The following MTOR variants were observed in gnomAD, a reference collection of about 807,000 sequenced individuals.
MTOR encodes the protein serine/threonine-protein kinase mTOR.
Under a neutral mutation model 319.8 loss-of-function variants are expected in MTOR, and 70 were observed. That is an observed-to-expected ratio of 0.22 (90% CI 0.18 to 0.27). MTOR has a LOEUF of 0.27. Among genes scored for constraint, MTOR ranks in the 10% least tolerant of loss-of-function variants. MTOR has a pLI of 1.00. For synonymous variants in MTOR, 1,183 were observed against 1,211.4 expected (o/e 0.98, Z 0.49); for missense variants, 1,890 against 3,274.4 (o/e 0.58, Z 10.32).
intron 9 of MTOR, 71 bp downstream of exon 9, chr1:11,243,043 G>A (rs1010616446): frequency 1.4e-5 from 22 of 1,560,054 alleles, no homozygotes; most frequent in Non-Finnish European, 1.8e-5. Flanking sequence ...AAGCTCCGTG[G>A]ATCTGAAATA....
At position 11,199,893 on chromosome 1, in the gene MTOR, T is replaced by G. The variant is rs112400979; in HGVS notation, c.3945-190A>C. 0.031 allele frequency among the ~76,000 whole-genome samples: 4,794 copies of G among 152,332 alleles called. 195 individuals carry two copies. Among genetic ancestry groups the G allele is most frequent in the African/African-American group, 0.074 (3,059 of 41,562 alleles). On this transcript the variant is annotated intron_variant, in intron 26 of 57. Transcript: ENST00000361445. The surrounding 1 kb of genome is among the most constrained non-coding windows in gnomAD (Gnocchi z 4.5). ...CCAGTGATCACTAAAGCACTTGAAC[T>G]GTGGCAAGTGTGGCCAAGGAACTGA...
At chr1:11,223,170 T>A (rs1360004713) in intron 19 of MTOR, among the ~76,000 whole-genome samples, 19 of 136,948 alleles carry the variant, frequency 1.4e-4, no homozygotes, top group Admixed American at 7.3e-5. Flanking sequence ...AATACATGAC[T>A]TTTTTTTTTT....
In MTOR at chr1:11,248,048, T is replaced by G. The variant is rs1194583768; in HGVS notation, c.887A>C (p.His296Pro). The change falls in exon 7 of 58, where the codon CAC becomes CCC. Residue 296 changes from histidine (H) to proline (P), a missense_variant. This residue lies in a region of MTOR where 418 missense variants were observed against 543.1 expected (regional missense o/e 0.77). Coordinates refer to ENST00000361445, the MANE Select transcript of MTOR (RefSeq NM_004958.4). ...CATGAGATCTTTGCAGTACTTGTCGTGTACCAGCTGCTGCTGTGTGATTTC... is the reference window on the plus strand; with the variant it reads ...CATGAGATCTTTGCAGTACTTGTCGGGTACCAGCTGCTGCTGTGTGATTTC... ...MEEITQQQLVHDKYCKDLMGF... is the reference protein window; with the variant it reads ...MEEITQQQLVPDKYCKDLMGF... 3 of 1,613,350 alleles carry G rather than the reference T, an allele frequency of 1.9e-6. No individual in the cohort carries two copies. The African/African-American group carries it at 4.0e-5, about 22-fold the overall frequency.
At chr1:11,148,765 T>C (rs1023303083) in intron 31 of MTOR, among the ~76,000 whole-genome samples, 1 of 151,932 alleles carries the variant, frequency 6.6e-6, no homozygotes, top group Non-Finnish European at 1.5e-5. Flanking sequence ...CCGGGCGTGG[T>C]GGCAGTGCCT....
rs114490853 is a variant in MTOR at position 11,198,755 on chromosome 1, T to C, written c.4253+503A>G. ...AACTGTCTTAACAGAGGAGCGAACA[T>C]AACCACATCAGAGAAAAGACCATTA... On this transcript the variant is annotated intron_variant, in intron 28 of 57. Transcript: ENST00000361445. Among the ~76,000 whole-genome samples the C allele has an allele frequency of 4.7e-3, 720 of 152,276 alleles. 4 individuals carry two copies. Among genetic ancestry groups the C allele is most frequent in the African/African-American group, 0.016 (651 of 41,562 alleles).
At chr1:11,108,595 C>T (rs756651676) in intron 56 of MTOR, among the ~76,000 whole-genome samples, 7 of 151,518 alleles carry the variant, frequency 4.6e-5, no homozygotes, top group Non-Finnish European at 7.4e-5. Context: ...TGCCTGTAGT[C>T]CCAGCTACTT....
At chr1:11,157,659 C>T (rs1644358772) in intron 29 of MTOR, among the ~76,000 whole-genome samples, 1 of 152,122 alleles carries the variant, frequency 6.6e-6, no homozygotes, top group Non-Finnish European at 1.5e-5. Context: ...ACCAGAGCAC[C>T]AGAGCTGTTT....
At chr1:11,234,066 C>CAAAGATGGG in intron 14 of MTOR, 77 bp downstream of exon 14, 1 of 1,603,390 alleles carries the variant, frequency 6.2e-7, no homozygotes, top group South Asian at 1.1e-5. Context: ...TACTAGTGAA[C>CAAAGATGGG]ACTGAAACAC....
intron 28 of MTOR, among the ~76,000 whole-genome samples, chr1:11,174,005 A>G (rs747352478): frequency 3.3e-5 from 5 of 152,184 alleles, no homozygotes; most frequent in Non-Finnish European, 5.9e-5. Context: ...TATTATTTCG[A>G]CCCTGTGAAA....
At chr1:11,140,029 T>C (rs891473092) in intron 34 of MTOR, among the ~76,000 whole-genome samples, 1 of 152,120 alleles carries the variant, frequency 6.6e-6, no homozygotes, top group Admixed American at 6.6e-5. Context: ...TTCACCATGA[T>C]GGCAAGGCTG....
chr1:11,140,786 T>G (rs1643660859), intron 34 of MTOR, among the ~76,000 whole-genome samples: 1 of 152,252 alleles, frequency 6.6e-6, no homozygotes, highest in South Asian at 2.1e-4. Flanking sequence ...CATCTTCAAC[T>G]TTAAAATTTT....
chr1:11,211,289 A>AT (rs1376869106), intron 23 of MTOR, among the ~76,000 whole-genome samples: 3 of 152,248 alleles, frequency 2.0e-5, no homozygotes, highest in African/African-American at 7.2e-5. Context: ...AGTGATTTGC[A>AT]TATTTTAGTG....
At chr1:11,148,071 A>C (rs998246104) in intron 31 of MTOR, among the ~76,000 whole-genome samples, 1 of 152,218 alleles carries the variant, frequency 6.6e-6, no homozygotes, top group Admixed American at 6.5e-5. Flanking sequence ...CTTCTAAAAT[A>C]TAAGTTAAGA....
At chr1:11,222,227 C>A (rs192759128) in intron 19 of MTOR, among the ~76,000 whole-genome samples, 2 of 149,862 alleles carry the variant, frequency 1.3e-5, no homozygotes, top group African/African-American at 4.9e-5. Flanking sequence ...GACGGAGTCT[C>A]GCTCTGTCAC....
At chr1:11,176,675 C>T (rs1007035099) in intron 28 of MTOR, among the ~76,000 whole-genome samples, 2 of 152,166 alleles carry the variant, frequency 1.3e-5, no homozygotes, top group African/African-American at 4.8e-5. Flanking sequence ...CTGAGGCCAC[C>T]CTGGACACTG....
intron 30 of MTOR, among the ~76,000 whole-genome samples, chr1:11,151,791 C>T (rs1445095334): frequency 6.6e-6 from 1 of 152,204 alleles, no homozygotes; most frequent in Non-Finnish European, 1.5e-5. Flanking sequence ...TCAAAATTTA[C>T]AGCTGGTGAA....
In MTOR at chr1:11,258,545, T is replaced by C. The variant is rs764948947; in HGVS notation, c.211A>G (p.Ile71Val). 1.2e-6 allele frequency: 2 copies of C among 1,614,128 alleles called. No homozygotes were observed. Among genetic ancestry groups the C allele is most frequent in the South Asian group, 1.1e-5 (1 of 91,088 alleles). Residue 71 changes from isoleucine to valine, a missense_variant, in exon 3 of 58, where the codon ATT becomes GTT. By Grantham distance (29) the Ile-to-Val change is conservative (BLOSUM62 3). This residue lies in a region of MTOR where 85 missense variants were observed against 105.8 expected (regional missense o/e 0.80). Transcript: ENST00000361445. The part of the protein sequence containing the change: ...TRFYDQLNHH[I>V]FELVSSSDAN... ...TCTGAGCTGGAAACCAATTCAAAAA[T>C]GTGATGGTTCAGTTGGTCATAGAAG...
chr1:11,126,477 C>T (rs1642844103), intron 46 of MTOR, 145 bp downstream of exon 46: 1 of 945,950 alleles, frequency 1.1e-6, no homozygotes, highest in African/African-American at 1.7e-5. Flanking sequence ...TGCTTGCCCT[C>T]TATTTTCCTC....
At position 11,213,399 on chromosome 1, in the gene MTOR, C is replaced by T. The variant is rs1646370745; in HGVS notation, c.3285G>A (p.Lys1095=). Residue 1095 remains lysine (K), a splice_region_variant and synonymous_variant, in exon 21 of 58, where the codon AAG becomes AAA. Transcript: ENST00000361445. ...DNSPGRIVSI[K]LLAAIQLFGA... is the part of the protein sequence containing the mutation. Reference sequence around the variant, plus strand: ...CTGGAGGATGACGTAGGCTACTCACCTTGATAGAGACAATGCGGCCTGGGC... The same window carrying T: ...CTGGAGGATGACGTAGGCTACTCACTTTGATAGAGACAATGCGGCCTGGGC... 1 of 1,611,480 alleles carries T rather than the reference C, an allele frequency of 6.2e-7. No homozygotes were observed. Among genetic ancestry groups the T allele is most frequent in the Non-Finnish European group, 8.5e-7 (1 of 1,179,502 alleles).
Sources: gnomAD v4.1 joint callset for allele counts (sites outside exome capture counted in the v4.1 genomes callset) on GRCh38, gnomAD v4.1.1 for gene constraint, gnomAD v4.1.1 regional missense constraint, Gnocchi (gnomAD v3.1) non-coding constraint, MANE v1.5 for transcripts, NCBI Gene and HGNC (gene_info 2026-07-23, HGNC 2026-07-21) for gene names.